Variants in ASIC2 observed in about 807,000 individuals in gnomAD.
ASIC2 encodes acid-sensing ion channel 2.
ASIC2 carries 25 observed loss-of-function variants against 57.3 expected under a neutral mutation model. The ratio of observed to expected loss-of-function variants is 0.44; its 90% confidence interval spans 0.32 to 0.61. The LOEUF is 0.61. ASIC2 is among the 20% of genes least tolerant of loss of function. The pLI is 0.06. For missense variants in ASIC2, 641 were observed against 738.1 expected, an observed-to-expected ratio of 0.87 and a Z score of 1.52; for synonymous variants, 319 against 307.5, an observed-to-expected ratio of 1.04 and a Z score of -0.39.
At chr17:33,850,035 G>A (rs1336519183) in intron 1 of ASIC2, among the ~76,000 whole-genome samples, 2 of 152,194 alleles carry the variant, frequency 1.3e-5, no homozygotes, top group African/African-American at 4.8e-5. Flanking sequence ...TTCTTAAGAG[G>A]GGGAAACACA....
chr17:33,316,476 T>A (rs1567820741), intron 1 of ASIC2, among the ~76,000 whole-genome samples: 1 of 152,188 alleles, frequency 6.6e-6, no homozygotes, highest in Non-Finnish European at 1.5e-5. Flanking sequence ...TTAGTAGAGA[T>A]GAGGTTTCGC....
chr17:33,442,736 T>G (rs1911869242), intron 1 of ASIC2, among the ~76,000 whole-genome samples: 1 of 152,166 alleles, frequency 6.6e-6, no homozygotes, highest in South Asian at 2.1e-4. Flanking sequence ...ACAGTTTTTT[T>G]TTCTCTGTGT....
intron 1 of ASIC2, among the ~76,000 whole-genome samples, chr17:33,808,628 C>T (rs930890110): frequency 1.3e-5 from 2 of 152,156 alleles, no homozygotes; most frequent in African/African-American, 2.4e-5. Context: ...ATGCCCATCT[C>T]TTCATCAATT....
intron 1 of ASIC2, among the ~76,000 whole-genome samples, chr17:33,133,655 A>G (rs1483333443): frequency 6.6e-6 from 1 of 152,202 alleles, no homozygotes; most frequent in East Asian, 1.9e-4. Context: ...TGCTGCCATG[A>G]GGCAGTTCAA....
At chr17:33,086,390 A>T (rs1452171605) in intron 3 of ASIC2, among the ~76,000 whole-genome samples, 1 of 152,238 alleles carries the variant, frequency 6.6e-6, no homozygotes, top group Non-Finnish European at 1.5e-5. Context: ...GGGTAGGTAC[A>T]TTCAACAAGC....
chr17:33,473,577 G>T (rs1913123529), intron 1 of ASIC2, among the ~76,000 whole-genome samples: 1 of 152,144 alleles, frequency 6.6e-6, no homozygotes, highest in African/African-American at 2.4e-5. Flanking sequence ...GATCAGATTT[G>T]CCCATGACCT....
At chr17:33,669,616 T>A (rs1907583493) in intron 1 of ASIC2, among the ~76,000 whole-genome samples, 1 of 152,186 alleles carries the variant, frequency 6.6e-6, no homozygotes, top group East Asian at 1.9e-4. Flanking sequence ...GTTAACCCCC[T>A]GCCCCCAAAT....
intron 1 of ASIC2, among the ~76,000 whole-genome samples, chr17:33,564,136 A>G (rs1916161418): frequency 6.6e-6 from 1 of 152,170 alleles, no homozygotes. Context: ...TGCATGGCTG[A>G]GATGAACCGG....
intron 1 of ASIC2, among the ~76,000 whole-genome samples, chr17:33,200,709 C>T (rs1906824280): frequency 6.6e-6 from 1 of 152,176 alleles, no homozygotes; most frequent in African/African-American, 2.4e-5. Flanking sequence ...TGCATATGGG[C>T]TATCTCCCTG....
intron 3 of ASIC2, among the ~76,000 whole-genome samples, chr17:33,044,746 C>T (rs905728094): frequency 1.3e-5 from 2 of 152,192 alleles, no homozygotes; most frequent in African/African-American, 4.8e-5. Context: ...ATGATTCCTA[C>T]ACCCATGGGG....
At chr17:33,129,512 G>C (rs771915881) in intron 1 of ASIC2, among the ~76,000 whole-genome samples, 1 of 152,242 alleles carries the variant, frequency 6.6e-6, no homozygotes, top group Non-Finnish European at 1.5e-5. Context: ...TGGACATAGA[G>C]AAATAAAATA....
intron 1 of ASIC2, among the ~76,000 whole-genome samples, chr17:33,477,908 T>A (rs1362244012): frequency 6.6e-6 from 1 of 152,208 alleles, no homozygotes. Flanking sequence ...ATGTGCCAAG[T>A]AATCCAGACT....
intron 1 of ASIC2, among the ~76,000 whole-genome samples, chr17:33,878,632 T>C (rs2076907337): frequency 6.6e-6 from 1 of 152,236 alleles, no homozygotes; most frequent in African/African-American, 2.4e-5. Context: ...TATGTCTGAC[T>C]GGTGTACCTG....
intron 1 of ASIC2, among the ~76,000 whole-genome samples, chr17:33,706,179 T>TGTGTGTATGA (rs1555553391): frequency 9.5e-5 from 14 of 147,920 alleles, no homozygotes; most frequent in Admixed American, 2.7e-4. Flanking sequence ...TGTGTGTGTG[T>TGTGTGTATGA]GTGTATGACT....
At chr17:33,038,552 T>A (rs1434012463) in intron 3 of ASIC2, among the ~76,000 whole-genome samples, 1 of 152,152 alleles carries the variant, frequency 6.6e-6, no homozygotes, top group African/African-American at 2.4e-5. Flanking sequence ...AGGATTGAGA[T>A]GCTCCTGCAT....
chr17:33,605,033 C>T (rs1003068191), intron 1 of ASIC2, among the ~76,000 whole-genome samples: 1 of 152,154 alleles, frequency 6.6e-6, no homozygotes, highest in African/African-American at 2.4e-5. Context: ...CTCTCTCTCT[C>T]TCTCTCAAGT....
At chr17:33,556,048 G>T (rs540855386) in intron 1 of ASIC2, among the ~76,000 whole-genome samples, 2 of 152,146 alleles carry the variant, frequency 1.3e-5, no homozygotes, top group Non-Finnish European at 2.9e-5. Context: ...GATGACAGCC[G>T]CCCATTCCTG....
In ASIC2 at chr17:33,440,634, G is replaced by A. The variant is rs543127797; in HGVS notation, c.556-328567C>T. 2.0e-5 allele frequency among the ~76,000 whole-genome samples: 3 copies of A among 152,284 alleles called. No individual in the cohort carries two copies. The East Asian group carries it at 5.8e-4, about 29-fold the overall frequency. On this transcript the variant is annotated intron_variant, in intron 1 of 9. Coordinates refer to the ASIC2 transcript ENST00000359872. ...CTCATCAACACGAAGTATATCGTTG[G>A]TCTTTCTGATTAGAACCATTTTAGT... is the stretch of plus-strand genomic sequence containing the variant.
At chr17:33,986,157 A>C (rs1905810378) in intron 1 of ASIC2, among the ~76,000 whole-genome samples, 1 of 151,522 alleles carries the variant, frequency 6.6e-6, no homozygotes, top group Non-Finnish European at 1.5e-5. Flanking sequence ...TTTATTGCTT[A>C]TTGTTTGTCT....
Sources: gnomAD v4.1 joint callset for allele counts (sites outside exome capture counted in the v4.1 genomes callset) on GRCh38, gnomAD v4.1.1 for gene constraint, MANE v1.5 for transcripts, NCBI Gene and HGNC (gene_info 2026-07-23, HGNC 2026-07-21) for gene names.